ADAM10: variants seen among roughly 807,000 people sequenced by gnomAD.
ADAM10 encodes the protein ADAM metallopeptidase domain 10.
ADAM10 carries 17 observed loss-of-function variants against 90.1 expected under a neutral mutation model. That is an observed-to-expected ratio of 0.19 (90% CI 0.13 to 0.28). The LOEUF (loss-of-function observed/expected upper bound fraction) is 0.28. Among genes scored for constraint, ADAM10 ranks in the 10% least tolerant of loss-of-function variants. The pLI is 1.00. For synonymous variants in ADAM10, 310 were observed against 298.6 expected, an observed-to-expected ratio of 1.04 and a Z score of -0.40; for missense variants, 610 against 914.3, an observed-to-expected ratio of 0.67 and a Z score of 4.29.
chr15:58,638,999 T>C (rs1446660419), intron 8 of ADAM10, among the ~76,000 whole-genome samples: 1 of 152,214 alleles, frequency 6.6e-6, no homozygotes, highest in Non-Finnish European at 1.5e-5. Flanking sequence ...TCTGAAGATT[T>C]AGGAAGAATT....
At chr15:58,664,302 C>T (rs773659241) in intron 5 of ADAM10, among the ~76,000 whole-genome samples, 1 of 152,092 alleles carries the variant, frequency 6.6e-6, no homozygotes, top group Non-Finnish European at 1.5e-5. Flanking sequence ...TCCAATTAAA[C>T]GATAACCTTT....
At chr15:58,601,440 A>G (rs540821617) in intron 14 of ADAM10, among the ~76,000 whole-genome samples, 2 of 152,292 alleles carry the variant, frequency 1.3e-5, no homozygotes, top group Admixed American at 6.5e-5. Flanking sequence ...CAGCCTGGGC[A>G]ACAGAGTGAG....
chr15:58,695,678 T>C (rs1897956865), intron 2 of ADAM10, among the ~76,000 whole-genome samples: 1 of 148,694 alleles, frequency 6.7e-6, no homozygotes, highest in Non-Finnish European at 1.5e-5. Flanking sequence ...GCAAGACTTG[T>C]CTAAAAAAAA....
chr15:58,687,937 AG>A (rs1792828309), intron 2 of ADAM10, among the ~76,000 whole-genome samples: 1 of 152,232 alleles, frequency 6.6e-6, no homozygotes, highest in African/African-American at 2.4e-5. Context: ...GGATAGCACA[AG>A]GGAGTCTGGT....
At position 58,664,813 on chromosome 15, in the gene ADAM10, A is replaced by G. The variant is rs1291986901; in HGVS notation, c.585+284T>C. Among the ~76,000 whole-genome samples, 3 of 152,186 alleles carry G rather than the reference A, an allele frequency of 2.0e-5. No homozygotes were observed. The East Asian group carries it at 5.8e-4, about 29-fold the overall frequency. ...CACTCTAATTTTAATGCTAATAAAA[A>G]TATTTACATTTATATAAAACATTTG... On this transcript the variant is annotated intron_variant, in intron 5 of 15. Coordinates refer to ENST00000260408, the MANE Select transcript of ADAM10 (RefSeq NM_001110.4).
chr15:58,604,083 C>G (rs753623248), intron 14 of ADAM10, among the ~76,000 whole-genome samples: 1 of 152,112 alleles, frequency 6.6e-6, no homozygotes, highest in African/African-American at 2.4e-5. Context: ...TTAGCTTGGC[C>G]GGGCACGGTG....
intron 5 of ADAM10, among the ~76,000 whole-genome samples, chr15:58,658,251 G>A (rs1250935835): frequency 2.0e-5 from 3 of 151,896 alleles, no homozygotes; most frequent in Non-Finnish European, 4.4e-5. Flanking sequence ...AATTGTTCCA[G>A]TACCATTTGT....
chr15:58,642,774 T>C (rs193060910), intron 7 of ADAM10, among the ~76,000 whole-genome samples: 3 of 152,318 alleles, frequency 2.0e-5, no homozygotes, highest in African/African-American at 7.2e-5. Flanking sequence ...CTTATACCTC[T>C]TATCACTGTT....
At chr15:58,646,428 A>G (rs1470012665) in intron 5 of ADAM10, among the ~76,000 whole-genome samples, 2 of 152,204 alleles carry the variant, frequency 1.3e-5, no homozygotes, top group African/African-American at 4.8e-5. Context: ...ACATTTTCAA[A>G]ACATGTATTT....
intron 4 of ADAM10, among the ~76,000 whole-genome samples, chr15:58,667,819 G>T (rs1897112170): frequency 6.6e-6 from 1 of 151,422 alleles, no homozygotes; most frequent in African/African-American, 2.4e-5. Flanking sequence ...AACTCCAAAT[G>T]TTCTTCCTCC....
chr15:58,712,517 C>T (rs1898506198), intron 2 of ADAM10, among the ~76,000 whole-genome samples: 1 of 110,352 alleles, frequency 9.1e-6, no homozygotes, highest in African/African-American at 2.9e-5. Flanking sequence ...GAGCCCGGCC[C>T]TGTTTCAAAA....
chr15:58,713,437 T>C (rs1898540958), intron 2 of ADAM10, among the ~76,000 whole-genome samples: 1 of 152,062 alleles, frequency 6.6e-6, no homozygotes, highest in African/African-American at 2.4e-5. Context: ...AAAATGACCA[T>C]CATCGACATC....
intron 4 of ADAM10, chr15:58,672,882 G>A (rs60610790): frequency 1.9e-5 from 3 of 160,926 alleles, no homozygotes; most frequent in Non-Finnish European, 4.1e-5. Flanking sequence ...AAAGGAGGAA[G>A]ATGAAGAGGA....
chr15:58,603,386 C>G (rs1288631377), intron 14 of ADAM10, among the ~76,000 whole-genome samples: 10 of 152,188 alleles, frequency 6.6e-5, no homozygotes, highest in Non-Finnish European at 8.8e-5. Context: ...TTCAGTTACT[C>G]TGACAACAAC....
At chr15:58,686,588 T>G in intron 2 of ADAM10, 1 of 1,129,190 alleles carries the variant, frequency 8.9e-7, no homozygotes, top group African/African-American at 1.5e-5. Flanking sequence ...TAACCCCTTC[T>G]GGGAACCCAG....
intron 14 of ADAM10, among the ~76,000 whole-genome samples, chr15:58,601,595 T>C (rs1438374366): frequency 2.6e-5 from 4 of 152,204 alleles, no homozygotes; most frequent in East Asian, 1.9e-4. Flanking sequence ...GGTGGTTTCC[T>C]AGATAACAAG....
chr15:58,655,696 G>C (rs1193425804), intron 5 of ADAM10, among the ~76,000 whole-genome samples: 27 of 68,244 alleles, frequency 4.0e-4, no homozygotes, highest in African/African-American at 1.7e-3. Flanking sequence ...ATTATATATA[G>C]TATATATATA....
At chr15:58,736,655 T>C (rs1373856274) in intron 1 of ADAM10, among the ~76,000 whole-genome samples, 2 of 152,200 alleles carry the variant, frequency 1.3e-5, no homozygotes, top group East Asian at 3.9e-4. Flanking sequence ...AAGGTAACCA[T>C]TCATAAATTC....
Position 58,633,370 on chromosome 15 carries a change from AC to A in ADAM10, c.1013-12del. On this transcript the variant is annotated splice_polypyrimidine_tract_variant and intron_variant, in intron 8 of 15. Coordinates refer to ENST00000260408, the MANE Select transcript of ADAM10 (RefSeq NM_001110.4). Reference sequence around the variant, plus strand: ...TTCCTCCAGAGCTTCCTAATCCAGAACAAAAAAATGGCTAAATTAGTATCTG... The same window carrying A: ...TTCCTCCAGAGCTTCCTAATCCAGAAAAAAAAATGGCTAAATTAGTATCTG... The A allele has an allele frequency of 6.2e-7, 1 of 1,612,780 alleles. No individual in the cohort carries two copies. Among genetic ancestry groups the A allele is most frequent in the Non-Finnish European group, 8.5e-7 (1 of 1,179,218 alleles).
Sources: allele counts gnomAD v4.1 joint callset (sites outside exome capture counted in the v4.1 genomes callset), GRCh38; gene constraint gnomAD v4.1.1; transcripts MANE v1.5; gene names NCBI Gene and HGNC (gene_info 2026-07-23, HGNC 2026-07-21).